Variants in MTTP observed in about 807,000 individuals in gnomAD.
The protein encoded by MTTP is microsomal triglyceride transfer protein, also known as microsomal triglyceride transfer protein large subunit.
A neutral mutation model predicts 90.6 loss-of-function variants in MTTP; 49 were observed. That is an observed-to-expected ratio of 0.54 (90% CI 0.43 to 0.69). MTTP has a LOEUF of 0.69. Ranked by LOEUF, MTTP falls within the 30% of genes least tolerant of loss-of-function variation. The pLI is 0.00. For missense variants in MTTP, 945 were observed against 1,067.5 expected (o/e 0.89, Z 1.60); for synonymous variants, 347 against 384.2 (o/e 0.90, Z 1.13).
intron 4 of MTTP, among the ~76,000 whole-genome samples, chr4:99,590,104 C>T (rs1725378353): frequency 6.6e-6 from 1 of 151,102 alleles, no homozygotes; most frequent in African/African-American, 2.4e-5. Context: ...ACCCGAACGT[C>T]TTTTTTTTTG....
intron 16 of MTTP, 38 bp from the exon 17 acceptor site, chr4:99,621,023 A>G: frequency 6.3e-7 from 1 of 1,592,604 alleles, no homozygotes; most frequent in South Asian, 1.1e-5. Context: ...ATTAAATATA[A>G]TATGAACAAG....
chr4:99,579,842 A>G (rs1314947974), intron 1 of MTTP, among the ~76,000 whole-genome samples: 1 of 151,886 alleles, frequency 6.6e-6, no homozygotes, highest in East Asian at 1.9e-4. Context: ...GTTCAGGACC[A>G]GCCTGGCCAA....
intron 9 of MTTP, among the ~76,000 whole-genome samples, chr4:99,601,399 A>G (rs1725694113): frequency 7.2e-6 from 1 of 139,792 alleles, no homozygotes. Context: ...TCCCTGTACC[A>G]CAGGTTAAAA....
intron 1 of MTTP, among the ~76,000 whole-genome samples, chr4:99,568,512 T>G (rs1258066959): frequency 3.3e-5 from 5 of 152,192 alleles, no homozygotes; most frequent in Admixed American, 3.3e-4. Context: ...AATGGAGAGA[T>G]ATGTGTTCAT....
chr4:99,620,839 G>T, intron 16 of MTTP: 1 of 564,802 alleles, frequency 1.8e-6, no homozygotes, highest in South Asian at 2.1e-5. Flanking sequence ...AGGCAGGGGA[G>T]AGCTCAGGGG....
chr4:99,583,271 G>C, intron 2 of MTTP, 103 bp from the exon 3 acceptor site: 1 of 1,284,616 alleles, frequency 7.8e-7, no homozygotes, highest in Non-Finnish European at 1.1e-6. Context: ...AGAAGAAATT[G>C]TGGCCAACTC....
chr4:99,579,001 A>G (rs1282638068), intron 1 of MTTP, among the ~76,000 whole-genome samples: 11 of 152,204 alleles, frequency 7.2e-5, no homozygotes, highest in Admixed American at 7.2e-4. Flanking sequence ...TAGAGTCCCC[A>G]ATTACAATGC....
At position 99,606,880 on chromosome 4, in the gene MTTP, G is replaced by A; in HGVS notation, c.1477G>A (p.Ala493Thr). 6.2e-7 allele frequency: 1 copy of A among 1,614,028 alleles called. No individual in the cohort carries two copies. The highest frequency in any genetic ancestry group is 8.5e-7 in the Non-Finnish European group (1 of 1,179,972). Reference sequence around the variant, plus strand: ...AGGCATCCCAAGTCTTCTGAAGTATGCAGAAGCAGGAGAAGGGCCCATCAG... The same window carrying A: ...AGGCATCCCAAGTCTTCTGAAGTATACAGAAGCAGGAGAAGGGCCCATCAG... ...PEGIPSLLKY[A>T]EAGEGPISHL... Residue 493 changes from alanine to threonine, a missense_variant, in exon 11 of 18, where the codon GCA becomes ACA. By Grantham distance (58) the Ala-to-Thr change is moderately conservative (BLOSUM62 0). Transcript: ENST00000265517.
At chr4:99,571,465 A>G (rs1368464461), upstream of MTTP, among the ~76,000 whole-genome samples, 1 of 151,942 alleles carries the variant, frequency 6.6e-6, no homozygotes, top group African/African-American at 2.4e-5. Context: ...GTGGTCAAAG[A>G]TAATTTAGAA....
In MTTP at chr4:99,611,133, T is replaced by C. The variant is rs1194740423; in HGVS notation, c.1770-10T>C. Reference sequence around the variant, plus strand: ...GAATGTGCAGCTTTTTTTTTCCTCATATGTTGCAGCAAAATTGTCCGTCGA... The same window carrying C: ...GAATGTGCAGCTTTTTTTTTCCTCACATGTTGCAGCAAAATTGTCCGTCGA... On this transcript the variant is annotated splice_polypyrimidine_tract_variant and intron_variant, in intron 12 of 17. Transcript: ENST00000265517. 1.2e-6 allele frequency: 2 copies of C among 1,611,878 alleles called. No homozygotes were observed. Among genetic ancestry groups the C allele is most frequent in the Non-Finnish European group, 1.7e-6 (2 of 1,178,064 alleles).
chr4:99,599,486 A>G (rs1725645035), intron 8 of MTTP, among the ~76,000 whole-genome samples: 1 of 152,184 alleles, frequency 6.6e-6, no homozygotes, highest in South Asian at 2.1e-4. Flanking sequence ...TGTACAGGGG[A>G]ATATTAATAT....
chr4:99,600,783 G>A (rs1308086468), intron 9 of MTTP, 50 bp downstream of exon 9: 1 of 1,565,326 alleles, frequency 6.4e-7, no homozygotes, highest in East Asian at 2.3e-5. Context: ...AACTTCTTAA[G>A]AATATTAACA....
At chr4:99,600,489 A>G (rs1167725468) in intron 8 of MTTP, 76 bp from the exon 9 acceptor site, 1 of 1,425,392 alleles carries the variant, frequency 7.0e-7, no homozygotes, top group Non-Finnish European at 9.9e-7. Flanking sequence ...ACCAATAGAA[A>G]CTCTGTGAAT....
intron 6 of MTTP, 80 bp downstream of exon 6, chr4:99,591,870 T>TTGTGTG: frequency 8.1e-7 from 1 of 1,230,744 alleles, no homozygotes; most frequent in Non-Finnish European, 1.2e-6. Context: ...AGATCTGTGT[T>TTGTGTG]TGTGTGTGTG....
intron 2 of MTTP, among the ~76,000 whole-genome samples, chr4:99,582,556 C>T (rs893513542): frequency 1.3e-5 from 2 of 152,148 alleles, no homozygotes; most frequent in Non-Finnish European, 2.9e-5. Context: ...ACCAAGTACT[C>T]CCCTGAATAA....
Position 99,580,574 on chromosome 4 carries a change from C to CAAAAA in MTTP, c.62-1309_62-1305dup, listed in dbSNP as rs563138284. 9.5e-4 allele frequency among the ~76,000 whole-genome samples: 38 copies of CAAAAA among 39,888 alleles called. 2 individuals carry two copies. The highest frequency in any genetic ancestry group is 4.2e-3 in the East Asian group (3 of 716). 26.2% of individuals were successfully genotyped at this position (39,888 alleles called of 152,430 possible). A position where few individuals can be genotyped will look rare whatever the true frequency, so the allele number is the denominator to read the frequency against. Reference sequence around the variant, plus strand: ...TGGCCGACAGAGTGAGACTCTGTCTCAAAAAAAAAAAAAAAAAAAAAAAAA... The same window carrying CAAAAA: ...TGGCCGACAGAGTGAGACTCTGTCTCAAAAAAAAAAAAAAAAAAAAAAAAAAAAAA... On this transcript the variant is annotated intron_variant, in intron 1 of 17. Coordinates refer to ENST00000265517, the MANE Select transcript of MTTP (RefSeq NM_001386140.1).
At chr4:99,620,687 G>A (rs1027439283) in intron 16 of MTTP, among the ~76,000 whole-genome samples, 2 of 152,210 alleles carry the variant, frequency 1.3e-5, no homozygotes, top group African/African-American at 4.8e-5. Context: ...TTCTTGGTGA[G>A]TTTAGACTCC....
intron 1 of MTTP, among the ~76,000 whole-genome samples, chr4:99,566,660 T>C (rs1013261304): frequency 6.6e-6 from 1 of 152,208 alleles, no homozygotes; most frequent in African/African-American, 2.4e-5. Flanking sequence ...AATCTGGTTT[T>C]AAAGTGTTGG....
chr4:99,591,631 A>T lies in MTTP; in HGVS notation c.619-20A>T. The T allele has an allele frequency of 6.2e-7, 1 of 1,606,828 alleles. No individual in the cohort carries two copies. Among genetic ancestry groups the T allele is most frequent in the East Asian group, 2.2e-5 (1 of 44,780 alleles). On this transcript the variant is annotated intron_variant, in intron 5 of 17. Coordinates refer to ENST00000265517, the MANE Select transcript of MTTP (RefSeq NM_001386140.1). ...TAAACGATGATTACTTGTTATAAAG[A>T]TGGCTATTTATTTATTTAGGTCTTG...
Sources: allele counts gnomAD v4.1 joint callset (sites outside exome capture counted in the v4.1 genomes callset), GRCh38; gene constraint gnomAD v4.1.1; transcripts MANE v1.5; gene names NCBI Gene and HGNC (gene_info 2026-07-23, HGNC 2026-07-21).